Variants in POTEI observed in about 807,000 individuals in gnomAD.
The protein encoded by POTEI is POTE ankyrin domain family member I.
A neutral mutation model predicts 43.4 loss-of-function variants in POTEI; 14 were observed. That is an observed-to-expected ratio of 0.32 (90% CI 0.21 to 0.50). The LOEUF is 0.50. Ranked by LOEUF, POTEI falls within the 20% of genes least tolerant of loss-of-function variation. POTEI has a pLI of 0.98. For synonymous variants in POTEI, 95 were observed against 297.9 expected, an observed-to-expected ratio of 0.32 and a Z score of 7.01; for missense variants, 235 against 795.4, an observed-to-expected ratio of 0.30 and a Z score of 8.47.
chr2:130,494,914 C>G (rs542258130), intron 6 of POTEI, among the ~76,000 whole-genome samples: 1 of 90,050 alleles, frequency 1.1e-5, no homozygotes, highest in African/African-American at 2.9e-5. Context: ...GTATTCACCT[C>G]GTTCCCAACC....
At position 130,508,120 on chromosome 2, in the gene POTEI, C is replaced by T; in HGVS notation, c.521+595G>A. ...GTCTCGATCTCCTGACCTCGTGATCCGCCCGCCTCCCCAAAGTGCTGGGAT... is the reference window on the plus strand; with the variant it reads ...GTCTCGATCTCCTGACCTCGTGATCTGCCCGCCTCCCCAAAGTGCTGGGAT... On this transcript the variant is annotated intron_variant, in intron 1 of 14. Coordinates refer to ENST00000451531, the MANE Select transcript of POTEI (RefSeq NM_001277406.2). Among the ~76,000 whole-genome samples the T allele has an allele frequency of 3.7e-4, 2 of 5,416 alleles. 1 individual carries two copies. Among genetic ancestry groups the T allele is most frequent in the African/African-American group, 3.9e-4 (2 of 5,064 alleles). The allele number at this position is 5,416 out of a possible 152,430, so 3.6% of individuals were successfully genotyped here.
intron 8 of POTEI, among the ~76,000 whole-genome samples, chr2:130,488,565 A>G (rs554035516): frequency 4.8e-5 from 6 of 124,928 alleles, no homozygotes; most frequent in Non-Finnish European, 1.0e-4. Flanking sequence ...ACAAAGATGC[A>G]AAATGTGTCT....
chr2:130,492,633 T>C (rs1298802285), intron 6 of POTEI, among the ~76,000 whole-genome samples: 67 of 133,530 alleles, frequency 5.0e-4, no homozygotes, highest in African/African-American at 1.7e-3. Flanking sequence ...TGAACCATTA[T>C]TCATTAAGAC....
intron 6 of POTEI, among the ~76,000 whole-genome samples, chr2:130,492,483 TGGAGAGTGGGGCAGAA>T (rs1319244144): frequency 1.4e-5 from 2 of 146,688 alleles, no homozygotes; most frequent in Admixed American, 6.9e-5. Context: ...GGCCTAAAGA[TGGAGAGTGGGGCAGAA>T]GTCAGATTAT....
At position 130,461,730 on chromosome 2, in the gene POTEI, G is replaced by A. The variant is rs1410053383; in HGVS notation, c.*1086C>T. On this transcript the variant is annotated 3_prime_UTR_variant, in exon 15 of 15. Coordinates refer to ENST00000451531, the MANE Select transcript of POTEI (RefSeq NM_001277406.2). ...AGGGGCCTGCTTACAGAAGCAGTCTGGCCATGATTTGGTAAAGCAGCTATG... is the reference window on the plus strand; with the variant it reads ...AGGGGCCTGCTTACAGAAGCAGTCTAGCCATGATTTGGTAAAGCAGCTATG... The A allele has an allele frequency of 1.3e-5, 2 of 150,976 alleles. No homozygotes were observed. The highest frequency in any genetic ancestry group is 4.9e-5 in the African/African-American group (2 of 41,128). The allele number at this position is 150,976 out of a possible 1,614,324, so 9.4% of individuals were successfully genotyped here. A position where few individuals can be genotyped will look rare whatever the true frequency, so the allele number is the denominator to read the frequency against.
At chr2:130,468,708 G>A (rs1239044339) in intron 13 of POTEI, among the ~76,000 whole-genome samples, 8 of 150,936 alleles carry the variant, frequency 5.3e-5, no homozygotes, top group African/African-American at 1.7e-4. Context: ...ACTATTGGGG[G>A]GGGGGGTATC....
chr2:130,463,088 CA>C lies in POTEI; in HGVS notation c.2955del (p.Asp986MetfsTer40). ...TACAGGTCTTTGCGGATGTCCACAT[CA>C]GACTTCATGATGGAGTTGAAGGTAG... ...HETTFNSIMK[S>X]DVDIRKDLYT... On this transcript the variant is annotated frameshift_variant, in exon 15 of 15. Transcript: ENST00000451531. LOFTEE classifies it high-confidence loss of function. 1 of 1,475,750 alleles carries C rather than the reference CA, an allele frequency of 6.8e-7. No individual in the cohort carries two copies. The highest frequency in any genetic ancestry group is 2.5e-5 in the East Asian group (1 of 40,720). 91.4% of individuals were successfully genotyped at this position (1,475,750 alleles called of 1,614,324 possible).
chr2:130,479,115 C>T (rs1273187380), intron 10 of POTEI, among the ~76,000 whole-genome samples: 2 of 131,556 alleles, frequency 1.5e-5, no homozygotes, highest in Non-Finnish European at 3.1e-5. Context: ...TTCTCTCTGT[C>T]CCCCAAGCCT....
chr2:130,477,741 G>A (rs1220395246), intron 10 of POTEI, among the ~76,000 whole-genome samples: 6 of 139,874 alleles, frequency 4.3e-5, no homozygotes. Context: ...TTAAAATAAA[G>A]CCTGTCAGAG....
At chr2:130,467,847 C>T (rs1428712560) in intron 13 of POTEI, among the ~76,000 whole-genome samples, 1 of 142,824 alleles carries the variant, frequency 7.0e-6, no homozygotes, top group Non-Finnish European at 1.5e-5. Flanking sequence ...AAACGGTAAA[C>T]AAGCATATAA....
intron 5 of POTEI, among the ~76,000 whole-genome samples, 164 bp from the exon 6 acceptor site, chr2:130,496,786 G>A: frequency 7.1e-6 from 1 of 141,624 alleles, no homozygotes; most frequent in Non-Finnish European, 1.6e-5. Flanking sequence ...TTCTCTTTAA[G>A]CTTCTAATTA....
rs1308038884 is a variant in POTEI, at chr2:130,461,889, A to T, written c.*927T>A. On this transcript the variant is annotated 3_prime_UTR_variant, in exon 15 of 15. Coordinates refer to ENST00000451531, the MANE Select transcript of POTEI (RefSeq NM_001277406.2). ...TTCTCTCAGAGTTTTATCTTGTTTC[A>T]TGGAGCTTAATTTTTAGCCTGTTGA... 1.3e-5 allele frequency: 2 copies of T among 151,940 alleles called. No individual in the cohort carries two copies. Among genetic ancestry groups the T allele is most frequent in the South Asian group, 2.1e-4 (1 of 4,782 alleles). 9.4% of individuals were successfully genotyped at this position (151,940 alleles called of 1,614,324 possible). A position where few individuals can be genotyped will look rare whatever the true frequency, so the allele number is the denominator to read the frequency against.
chr2:130,486,942 T>C (rs999048359), intron 9 of POTEI, among the ~76,000 whole-genome samples: 5 of 110,464 alleles, frequency 4.5e-5, no homozygotes, highest in African/African-American at 1.6e-4. Flanking sequence ...TACAATCCCT[T>C]GGCAATATTC....
chr2:130,461,561 A>T lies in POTEI; in HGVS notation c.*1255T>A, dbSNP rs912502321. On this transcript the variant is annotated 3_prime_UTR_variant, in exon 15 of 15. Transcript: ENST00000451531. ...AGCCCGCAGGCCAGAATGGCTAGTC[A>T]CCGAAAGAGCAAAGGTGGGGGCCTG... 6.6e-6 allele frequency: 1 copy of T among 152,014 alleles called. No individual in the cohort carries two copies. The highest frequency in any genetic ancestry group is 2.4e-5 in the African/African-American group (1 of 41,352). The allele number at this position is 152,014 out of a possible 1,614,324, so 9.4% of individuals were successfully genotyped here.
chr2:130,468,703 T>TGGG (rs3050012), intron 13 of POTEI, among the ~76,000 whole-genome samples: 6 of 64,834 alleles, frequency 9.3e-5, no homozygotes, highest in African/African-American at 2.2e-4. Context: ...GCCAAACTAT[T>TGGG]GGGGGGGGGG....
intron 9 of POTEI, among the ~76,000 whole-genome samples, chr2:130,482,601 G>A (rs1178334017): frequency 6.7e-6 from 1 of 150,186 alleles, no homozygotes; most frequent in Non-Finnish European, 1.5e-5. Flanking sequence ...TTGTTCATAG[G>A]TTCTAATATG....
In POTEI at chr2:130,508,965, T is replaced by G; in HGVS notation, c.271A>C (p.Met91Leu). The change falls in exon 1 of 15, where the codon ATG becomes CTG. Residue 91 changes from methionine to leucine, a missense_variant. By Grantham distance (15) the Met-to-Leu change is conservative (BLOSUM62 2). Transcript: ENST00000451531. ...GTSGDHDDSA[M>L]KTLRSKMGKW... ...CCCATCTTGCTCCTGAGCGTCTTCA[T>G]AGCGGAGTCGTCGTGGTCTCCAGAA... 4 of 1,594,102 alleles carry G rather than the reference T, an allele frequency of 2.5e-6. 1 individual carries two copies. Among genetic ancestry groups the G allele is most frequent in the Non-Finnish European group, 2.6e-6 (3 of 1,171,928 alleles).
At chr2:130,483,809 C>T (rs1683485938) in intron 9 of POTEI, among the ~76,000 whole-genome samples, 1 of 150,282 alleles carries the variant, frequency 6.7e-6, no homozygotes, top group Non-Finnish European at 1.5e-5. Flanking sequence ...TCTCGATCTC[C>T]TGACCTCGTG....
At chr2:130,485,084 G>C (rs1272007976) in intron 9 of POTEI, among the ~76,000 whole-genome samples, 2 of 152,194 alleles carry the variant, frequency 1.3e-5, no homozygotes, top group African/African-American at 4.8e-5. Flanking sequence ...TCTGACACGT[G>C]TGTGATACCC....
Sources: gnomAD v4.1 joint callset for allele counts (sites outside exome capture counted in the v4.1 genomes callset) on GRCh38, gnomAD v4.1.1 for gene constraint, MANE v1.5 for transcripts, NCBI Gene and HGNC (gene_info 2026-07-23, HGNC 2026-07-21) for gene names.